Variants in GSG1L observed in about 807,000 individuals in gnomAD.
GSG1L encodes the protein germ cell-specific gene 1-like protein.
In GSG1L, 24 loss-of-function variants were observed where a neutral mutation model predicts 42.1. That is an observed-to-expected ratio of 0.57 (90% CI 0.41 to 0.80). The LOEUF is 0.80. Among genes scored for constraint, GSG1L ranks in the 30% least tolerant of loss-of-function variants. GSG1L has a pLI of 0.00. For missense variants in GSG1L, 445 were observed against 472.2 expected, an observed-to-expected ratio of 0.94 and a Z score of 0.53; for synonymous variants, 215 against 203.5, an observed-to-expected ratio of 1.06 and a Z score of -0.48.
intron 2 of GSG1L, among the ~76,000 whole-genome samples, chr16:27,908,377 G>T (rs2084344410): frequency 2.0e-5 from 3 of 152,218 alleles, no homozygotes; most frequent in African/African-American, 7.2e-5. Flanking sequence ...TGATCAGTAT[G>T]CAGCATTGTC....
intron 2 of GSG1L, among the ~76,000 whole-genome samples, chr16:27,921,499 A>C (rs1379652520): frequency 6.6e-6 from 1 of 152,072 alleles, no homozygotes; most frequent in African/African-American, 2.4e-5. Context: ...TTACAGCCTC[A>C]TCTCTCACAA....
At position 27,963,147 on chromosome 16, in the gene GSG1L, C is replaced by T. The variant is rs749229628; in HGVS notation, c.397+9G>A. ...AGAGCTGCCACAGCTCAGCTGGGGT[C>T]ACACTCACCTTTCTCCGATGCCGGG... On this transcript the variant is annotated intron_variant, in intron 2 of 6. Coordinates refer to ENST00000447459, the MANE Select transcript of GSG1L (RefSeq NM_001109763.2). 2 of 1,612,058 alleles carry T rather than the reference C, an allele frequency of 1.2e-6. No homozygotes were observed. Among genetic ancestry groups the T allele is most frequent in the Non-Finnish European group, 1.7e-6 (2 of 1,178,308 alleles).
At position 27,849,220 on chromosome 16, in the gene GSG1L, A is replaced by G. The variant is rs921873769; in HGVS notation, c.551-4159T>C. Among the ~76,000 whole-genome samples the G allele has an allele frequency of 2.6e-3, 392 of 149,064 alleles. 3 individuals are homozygous for G. Among genetic ancestry groups the G allele is most frequent in the Non-Finnish European group, 2.2e-3 (148 of 67,432 alleles). On this transcript the variant is annotated intron_variant, in intron 3 of 6. Coordinates refer to ENST00000447459, the MANE Select transcript of GSG1L (RefSeq NM_001109763.2). ...CCCAAAAAGAAAAAAAAAAAAAAAA[A>G]AAAGAGAAAAGAAAGGGGAGGGATG...
At chr16:27,926,865 C>T (rs1051925114) in intron 2 of GSG1L, among the ~76,000 whole-genome samples, 16 of 152,146 alleles carry the variant, frequency 1.1e-4, no homozygotes, top group South Asian at 2.1e-4. Context: ...CATTTAATAA[C>T]GGCCCAATTA....
At chr16:27,887,775 CTCT>C (rs1417316435) in intron 2 of GSG1L, among the ~76,000 whole-genome samples, 3 of 152,092 alleles carry the variant, frequency 2.0e-5, no homozygotes, top group Non-Finnish European at 4.4e-5. Context: ...TTTTCTTTTC[CTCT>C]TCTTCCCTTT....
At chr16:28,050,680 C>T (rs1382400792) in intron 1 of GSG1L, among the ~76,000 whole-genome samples, 1 of 152,232 alleles carries the variant, frequency 6.6e-6, no homozygotes, top group Non-Finnish European at 1.5e-5. Flanking sequence ...AAATGTAAAG[C>T]AGGCTTCAAA....
At chr16:27,930,450 T>C (rs1267638227) in intron 2 of GSG1L, among the ~76,000 whole-genome samples, 6 of 152,240 alleles carry the variant, frequency 3.9e-5, no homozygotes, top group African/African-American at 1.4e-4. Flanking sequence ...CATTTATTTG[T>C]GGTCTGATTC....
chr16:27,819,309 T>C (rs769196638), intron 5 of GSG1L, among the ~76,000 whole-genome samples: 12 of 151,756 alleles, frequency 7.9e-5, no homozygotes, highest in Non-Finnish European at 1.6e-4. Context: ...TGGTTATTTC[T>C]AGAATCGCAT....
chr16:27,943,951 T>C (rs2084833510), intron 2 of GSG1L, among the ~76,000 whole-genome samples: 1 of 152,094 alleles, frequency 6.6e-6, no homozygotes. Flanking sequence ...CCATAGACCA[T>C]ACGTAAAGGA....
At chr16:27,928,756 C>T (rs2084624852) in intron 2 of GSG1L, among the ~76,000 whole-genome samples, 6 of 152,218 alleles carry the variant, frequency 3.9e-5, no homozygotes, top group Admixed American at 3.3e-4. Context: ...AGAAGCCACA[C>T]TCCCTTGAGA....
At chr16:27,987,216 CAAA>C (rs36025627) in intron 1 of GSG1L, among the ~76,000 whole-genome samples, 5,870 of 132,158 alleles carry the variant, frequency 0.044, 360 homozygotes, top group African/African-American at 0.15. Flanking sequence ...AACTCCGTCT[CAAA>C]AAAAAAAAAA....
intron 4 of GSG1L, among the ~76,000 whole-genome samples, chr16:27,838,932 A>C (rs941926996): frequency 1.3e-5 from 2 of 152,212 alleles, no homozygotes; most frequent in Non-Finnish European, 2.9e-5. Flanking sequence ...GAGTAAGGGC[A>C]GACTTCCTGC....
At chr16:28,023,107 G>A (rs1325449799) in intron 1 of GSG1L, among the ~76,000 whole-genome samples, 1 of 152,148 alleles carries the variant, frequency 6.6e-6, no homozygotes, top group African/African-American at 2.4e-5. Flanking sequence ...GGGATTGTAT[G>A]TATAAGCCAC....
intron 3 of GSG1L, among the ~76,000 whole-genome samples, chr16:27,866,116 T>C (rs1373644059): frequency 5.3e-5 from 8 of 152,132 alleles, no homozygotes; most frequent in Admixed American, 2.6e-4. Context: ...TGCCTCTCTG[T>C]ATATCTCTGT....
At chr16:27,887,803 C>CT (rs947555865) in intron 2 of GSG1L, among the ~76,000 whole-genome samples, 36 of 151,378 alleles carry the variant, frequency 2.4e-4, no homozygotes, top group South Asian at 8.4e-4. Flanking sequence ...CTTTTCTTTT[C>CT]TTTTTTTTTC....
intron 2 of GSG1L, among the ~76,000 whole-genome samples, chr16:27,960,532 C>A (rs1405861075): frequency 6.6e-6 from 1 of 152,090 alleles, no homozygotes; most frequent in Non-Finnish European, 1.5e-5. Flanking sequence ...GAGAACACAG[C>A]TGAGTGTGGA....
At chr16:27,888,482 C>CTTTCTTTCTTT in intron 2 of GSG1L, among the ~76,000 whole-genome samples, 1 of 68,954 alleles carries the variant, frequency 1.5e-5, no homozygotes, top group African/African-American at 7.0e-5. Flanking sequence ...CTCTCTCTTT[C>CTTTCTTTCTTT]CTTTCTTTCT....
At chr16:27,895,222 ATTTCTGGATTCG>A (rs1381198817) in intron 2 of GSG1L, among the ~76,000 whole-genome samples, 1 of 152,016 alleles carries the variant, frequency 6.6e-6, no homozygotes, top group Non-Finnish European at 1.5e-5. Flanking sequence ...AAAAATCCAG[ATTTCTGGATTCG>A]TTTGCAAAAT....
intron 2 of GSG1L, 104 bp downstream of exon 2, chr16:27,963,052 A>T: frequency 2.1e-6 from 2 of 955,840 alleles, no homozygotes; most frequent in Non-Finnish European, 3.3e-6. Flanking sequence ...TTGCCCAGGG[A>T]TGCTGAAGAA....
Sources: allele counts gnomAD v4.1 joint callset (sites outside exome capture counted in the v4.1 genomes callset), GRCh38; gene constraint gnomAD v4.1.1; transcripts MANE v1.5; gene names NCBI Gene and HGNC (gene_info 2026-07-23, HGNC 2026-07-21).